The following ESCO2 variants were observed in gnomAD, a reference collection of about 807,000 sequenced individuals.
The protein encoded by ESCO2 is establishment of sister chromatid cohesion N-acetyltransferase 2.
ESCO2 carries 51 observed loss-of-function variants against 61.7 expected under a neutral mutation model. The observed-to-expected ratio is 0.83, with a 90% CI of 0.66 to 1.04. The LOEUF (loss-of-function observed/expected upper bound fraction) is 1.04. Among genes scored for constraint, ESCO2 ranks in the 50% least tolerant of loss-of-function variants. The probability of loss-of-function intolerance (pLI) is 0.00; values close to 1 mark genes in which losing one functional copy is unlikely to be tolerated. For missense variants in ESCO2, 692 were observed against 686.2 expected (o/e 1.01, Z -0.09); for synonymous variants, 230 against 238.2 (o/e 0.97, Z 0.32).
chr8:27,784,266 T>C (rs967824075), intron 5 of ESCO2, among the ~76,000 whole-genome samples: 2 of 152,208 alleles, frequency 1.3e-5, no homozygotes, highest in Non-Finnish European at 2.9e-5. Flanking sequence ...GGAAAAGATC[T>C]TTATATACTT....
intron 4 of ESCO2, among the ~76,000 whole-genome samples, chr8:27,781,160 C>G (rs1410444501): frequency 6.6e-6 from 1 of 152,124 alleles, no homozygotes; most frequent in East Asian, 1.9e-4. Flanking sequence ...AACTTTATTA[C>G]TTAATAACTA....
chr8:27,798,780 A>C (rs902280121), intron 9 of ESCO2, among the ~76,000 whole-genome samples: 1 of 152,232 alleles, frequency 6.6e-6, no homozygotes, highest in Non-Finnish European at 1.5e-5. Flanking sequence ...TCAAAAGGTC[A>C]TATGGTATAT....
In ESCO2 at chr8:27,802,433, TA is replaced by T. The variant is rs553444113; in HGVS notation, c.1674-864del. ...CAACATGGAGAAACCCTGTCTCTAC[TA>T]AAAAAAAATAAATAAATACCAAATT... On this transcript the variant is annotated intron_variant, in intron 10 of 10. Transcript: ENST00000305188. Among the ~76,000 whole-genome samples the T allele has an allele frequency of 1.4e-3, 212 of 146,886 alleles. 3 individuals carry two copies. The South Asian group carries it at 0.021, about 15-fold the overall frequency.
At chr8:27,815,632 A>G (rs965594895), downstream of ESCO2, among the ~76,000 whole-genome samples, 2 of 152,218 alleles carry the variant, frequency 1.3e-5, no homozygotes, top group Non-Finnish European at 2.9e-5. Context: ...GTACACATAC[A>G]TTCTAAGTAG....
Position 27,803,949 on chromosome 8 carries a change from C to A in ESCO2, c.*511C>A. On this transcript the variant is annotated 3_prime_UTR_variant, in exon 11 of 11. Transcript: ENST00000305188. The stretch of plus-strand genomic sequence containing the variant: ...GAGGCATGGGTCTCACTGTGTTGCC[C>A]AGGCTGGTCTGAAACTTTTGGGCTC... The A allele has an allele frequency of 1.0e-6, 1 of 988,256 alleles. No homozygotes were observed. The highest frequency in any genetic ancestry group is 1.2e-6 in the Non-Finnish European group (1 of 832,358). 61.2% of individuals were successfully genotyped at this position (988,256 alleles called of 1,614,324 possible).
At chr8:27,798,150 T>G (rs914151702) in intron 9 of ESCO2, among the ~76,000 whole-genome samples, 1 of 152,152 alleles carries the variant, frequency 6.6e-6, no homozygotes, top group African/African-American at 2.4e-5. Flanking sequence ...TGGAAAAAGT[T>G]TTGAAGTTTC....
Position 27,803,516 on chromosome 8 carries a change from TATCA to T in ESCO2, c.*80_*83del. On this transcript the variant is annotated 3_prime_UTR_variant, in exon 11 of 11. Coordinates refer to ENST00000305188, the MANE Select transcript of ESCO2 (RefSeq NM_001017420.3). ...TTATTATAAAATACAAACTATTTAA[TATCA>T]AAATAAAAAATACCGAGACTCACAC... 10 of 1,567,432 alleles carry T rather than the reference TATCA, an allele frequency of 6.4e-6. No homozygotes were observed. In the East Asian group the frequency reaches 7.2e-5, roughly 11 times the overall value.
chr8:27,794,399 G>A (rs1585405281), intron 9 of ESCO2, among the ~76,000 whole-genome samples: 1 of 152,254 alleles, frequency 6.6e-6, no homozygotes, highest in Admixed American at 6.5e-5. Context: ...TGATTTGTAT[G>A]TCTTCTTTTG....
chr8:27,809,022 C>T (rs1395823896), downstream of ESCO2, among the ~76,000 whole-genome samples: 2 of 152,086 alleles, frequency 1.3e-5, no homozygotes, highest in Non-Finnish European at 2.9e-5. Flanking sequence ...AAAGCAATGG[C>T]TTATGTATTA....
At chr8:27,797,010 G>A (rs1805312177) in intron 9 of ESCO2, among the ~76,000 whole-genome samples, 2 of 152,146 alleles carry the variant, frequency 1.3e-5, no homozygotes, top group South Asian at 4.2e-4. Flanking sequence ...TACCTAGGAG[G>A]CTGAGGCAGG....
chr8:27,784,025 A>G lies in ESCO2; in HGVS notation c.981A>G (p.Pro327=). Residue 327 remains proline (P), a synonymous_variant, in exon 5 of 11, where the codon CCA becomes CCG. Coordinates refer to ENST00000305188, the MANE Select transcript of ESCO2 (RefSeq NM_001017420.3). ...KTISPKSTVY[P]IFSASSVNSK... ...TTTCTCCTAAGTCCACTGTCTATCC[A>G]ATCTTCAGTGCATCTTCAGTCAATT... 6.2e-7 allele frequency: 1 copy of G among 1,613,674 alleles called. No individual in the cohort carries two copies. Among genetic ancestry groups the G allele is most frequent in the Non-Finnish European group, 8.5e-7 (1 of 1,179,704 alleles).
Position 27,777,161 on chromosome 8 carries a change from T to TTA in ESCO2, c.854_855dup (p.Ile286Ter), listed in dbSNP as rs1804813983. On this transcript the variant is annotated frameshift_variant, in exon 3 of 11. Coordinates refer to ENST00000305188, the MANE Select transcript of ESCO2 (RefSeq NM_001017420.3). LOFTEE classifies it high-confidence loss of function. ...TGCAAGCAGTAAAAATAAAGAGAAA[T>TTA]TAATAAAGGTAAAGCTAAATATATC... 1 of 1,601,674 alleles carries TTA rather than the reference T, an allele frequency of 6.2e-7. No homozygotes were observed. Among genetic ancestry groups the TTA allele is most frequent in the Non-Finnish European group, 8.5e-7 (1 of 1,177,172 alleles).
At chr8:27,790,567 T>C (rs1235314744) in intron 7 of ESCO2, among the ~76,000 whole-genome samples, 7 of 118,048 alleles carry the variant, frequency 5.9e-5, no homozygotes. Context: ...AAAGAAAACA[T>C]TTTTATTTAG....
intron 9 of ESCO2, among the ~76,000 whole-genome samples, chr8:27,795,955 T>A (rs1292046225): frequency 2.0e-5 from 3 of 151,892 alleles, no homozygotes; most frequent in Non-Finnish European, 4.4e-5. Flanking sequence ...CAGATTAATC[T>A]GGCCTTGCAA....
chr8:27,810,298 A>G (rs1182433685), downstream of ESCO2: 1 of 1,595,568 alleles, frequency 6.3e-7, no homozygotes, highest in Non-Finnish European at 8.6e-7. Context: ...TTCAGCTGAG[A>G]TGATCACTAG....
downstream of ESCO2, among the ~76,000 whole-genome samples, chr8:27,817,433 G>T (rs1805839844): frequency 6.6e-6 from 1 of 151,976 alleles, no homozygotes; most frequent in African/African-American, 2.4e-5. Context: ...TTTAAAATAA[G>T]AAAAATATTT....
chr8:27,792,207 G>A (rs537139055), intron 8 of ESCO2, among the ~76,000 whole-genome samples, 155 bp downstream of exon 8: 1 of 152,154 alleles, frequency 6.6e-6, no homozygotes. Context: ...AGAATTGTAG[G>A]ACAAAGGAGT....
At chr8:27,810,932 A>AT, downstream of ESCO2, 1 of 1,362,556 alleles carries the variant, frequency 7.3e-7, no homozygotes, top group Non-Finnish European at 1.0e-6. Context: ...AGAGATTGGG[A>AT]TTTATGTTAG....
At chr8:27,802,648 TA>T (rs1380599897) in intron 10 of ESCO2, among the ~76,000 whole-genome samples, 24 of 72,996 alleles carry the variant, frequency 3.3e-4, no homozygotes, top group South Asian at 9.4e-4. Context: ...TATATATATA[TA>T]TATATATTAT....
Sources: allele counts gnomAD v4.1 joint callset (sites outside exome capture counted in the v4.1 genomes callset), GRCh38; gene constraint gnomAD v4.1.1; transcripts MANE v1.5; gene names NCBI Gene and HGNC (gene_info 2026-07-23, HGNC 2026-07-21).